Variants in RPH3AL observed in about 807,000 individuals in gnomAD.
The protein encoded by RPH3AL is rab effector Noc2.
Under a neutral mutation model 43.1 loss-of-function variants are expected in RPH3AL, and 38 were observed. The observed-to-expected ratio is 0.88, with a 90% CI of 0.68 to 1.15. The LOEUF (loss-of-function observed/expected upper bound fraction) is 1.15, where lower values mean the gene tolerates loss of function less well. Among genes scored for constraint, RPH3AL ranks in the 50% most tolerant of loss-of-function variants. RPH3AL has a pLI of 0.00. For synonymous variants in RPH3AL, 189 were observed against 176.3 expected (o/e 1.07, Z -0.57); for missense variants, 462 against 423.2 (o/e 1.09, Z -0.81).
intron 7 of RPH3AL, among the ~76,000 whole-genome samples, chr17:242,963 A>C (rs1482282161): frequency 7.5e-6 from 1 of 134,210 alleles, no homozygotes; most frequent in African/African-American, 2.8e-5. Context: ...ACCTTCCTCT[A>C]TTGACTACCT....
rs553857120 is a variant in RPH3AL, at chr17:304,642, C to T, written c.351+14778G>A. On this transcript the variant is annotated intron_variant, in intron 5 of 9. Transcript: ENST00000331302. ...GACGATTCCACCCGGCCAGGGCAGG[C>T]CCGAACCAGCCGGAGGCCACAGGAG... 4.8e-3 allele frequency among the ~76,000 whole-genome samples: 726 copies of T among 152,128 alleles called. 1 individual carries two copies. The highest frequency in any genetic ancestry group is 8.8e-3 in the Non-Finnish European group (601 of 68,004).
At chr17:223,500 A>G (rs777679813) in intron 7 of RPH3AL, among the ~76,000 whole-genome samples, 1 of 152,206 alleles carries the variant, frequency 6.6e-6, no homozygotes, top group Non-Finnish European at 1.5e-5. Flanking sequence ...CTTAGTGAGC[A>G]TCGTCTTCCA....
intron 4 of RPH3AL, 85 bp downstream of exon 4, chr17:321,186 AC>A: frequency 6.7e-7 from 1 of 1,490,050 alleles, no homozygotes; most frequent in Non-Finnish European, 9.0e-7. Flanking sequence ...CAAAACCAGG[AC>A]CCGGAGTGCC....
At chr17:252,267 G>A (rs576685416) in intron 6 of RPH3AL, among the ~76,000 whole-genome samples, 7 of 152,118 alleles carry the variant, frequency 4.6e-5, no homozygotes, top group African/African-American at 1.4e-4. Context: ...GAGCCACCAC[G>A]CCTAGCCTCT....
At chr17:235,016 A>G (rs886454868) in intron 7 of RPH3AL, among the ~76,000 whole-genome samples, 3 of 152,256 alleles carry the variant, frequency 2.0e-5, no homozygotes, top group Non-Finnish European at 4.4e-5. Flanking sequence ...GAAACAGCAT[A>G]TGCGTTTGAC....
intron 6 of RPH3AL, among the ~76,000 whole-genome samples, chr17:265,830 C>T (rs556539540): frequency 1.1e-4 from 16 of 144,034 alleles, no homozygotes; most frequent in Admixed American, 8.5e-4. Flanking sequence ...TGGCACAGAT[C>T]CACAGTGGGC....
At chr17:348,633 A>G (rs769429726) in intron 1 of RPH3AL, among the ~76,000 whole-genome samples, 1 of 152,114 alleles carries the variant, frequency 6.6e-6, no homozygotes, top group Non-Finnish European at 1.5e-5. Context: ...ATGGTCATCA[A>G]TGCGGAAGAA....
At chr17:239,548 C>T (rs943683453) in intron 7 of RPH3AL, among the ~76,000 whole-genome samples, 1 of 152,184 alleles carries the variant, frequency 6.6e-6, no homozygotes, top group Non-Finnish European at 1.5e-5. Context: ...ATCGTTCTTA[C>T]TGATTTCAGT....
chr17:230,099 G>A (rs1007393139), intron 7 of RPH3AL, among the ~76,000 whole-genome samples: 2 of 152,190 alleles, frequency 1.3e-5, no homozygotes, highest in Admixed American at 6.5e-5. Context: ...AAAGGCCCCC[G>A]AGGACAGCCC....
intron 7 of RPH3AL, among the ~76,000 whole-genome samples, chr17:222,038 G>A (rs2041003157): frequency 6.6e-6 from 1 of 151,674 alleles, no homozygotes; most frequent in South Asian, 2.1e-4. Context: ...CAACAGCTCT[G>A]AGGCCTCCAC....
intron 1 of RPH3AL, among the ~76,000 whole-genome samples, chr17:338,327 T>C (rs2045016027): frequency 6.6e-6 from 1 of 151,752 alleles, no homozygotes; most frequent in African/African-American, 2.4e-5. Context: ...CTGGGCATGG[T>C]GGCACATACC....
chr17:272,458 A>T (rs1033977666), intron 6 of RPH3AL, among the ~76,000 whole-genome samples: 4 of 151,716 alleles, frequency 2.6e-5, no homozygotes, highest in Non-Finnish European at 5.9e-5. Context: ...CTTTGTAGGG[A>T]CATGGATGAA....
chr17:336,545 G>A, intron 1 of RPH3AL, among the ~76,000 whole-genome samples: 1 of 152,142 alleles, frequency 6.6e-6, no homozygotes, highest in Non-Finnish European at 1.5e-5. Context: ...CTCTTGCCCA[G>A]ACCGTGGCAA....
At chr17:265,190 G>A (rs570442595) in intron 6 of RPH3AL, among the ~76,000 whole-genome samples, 6 of 152,218 alleles carry the variant, frequency 3.9e-5, no homozygotes, top group Admixed American at 2.6e-4. Context: ...AGGCTCAATC[G>A]ATCCTCCCAC....
At chr17:305,376 T>A (rs1176163971) in intron 5 of RPH3AL, among the ~76,000 whole-genome samples, 1 of 151,644 alleles carries the variant, frequency 6.6e-6, no homozygotes, top group Non-Finnish European at 1.5e-5. Context: ...GAGGGTGGGG[T>A]GGTGCCTGCC....
chr17:352,117 C>T (rs746737976), intron 1 of RPH3AL, among the ~76,000 whole-genome samples: 34 of 152,182 alleles, frequency 2.2e-4, no homozygotes, highest in Non-Finnish European at 4.6e-4. Flanking sequence ...CTGGGTTTTT[C>T]GGCCCCATCT....
At chr17:332,623 A>G (rs1334760043) in intron 2 of RPH3AL, 5 of 193,714 alleles carry the variant, frequency 2.6e-5, no homozygotes, top group Admixed American at 2.1e-4. Context: ...CAGCCCAGAC[A>G]TGCTCAGAGC....
chr17:259,654 G>A (rs1455634072), intron 6 of RPH3AL, among the ~76,000 whole-genome samples: 3 of 152,176 alleles, frequency 2.0e-5, no homozygotes, highest in Non-Finnish European at 2.9e-5. Flanking sequence ...TGATAAGGCC[G>A]GCAAAGCAGC....
At chr17:314,801 T>TG (rs1368827588) in intron 5 of RPH3AL, among the ~76,000 whole-genome samples, 29 of 52,434 alleles carry the variant, frequency 5.5e-4, no homozygotes, top group African/African-American at 2.8e-3. Context: ...GTAGTCCCTG[T>TG]ACTCCACGTC....
Sources: allele counts gnomAD v4.1 joint callset (sites outside exome capture counted in the v4.1 genomes callset), GRCh38; gene constraint gnomAD v4.1.1; transcripts MANE v1.5; gene names NCBI Gene and HGNC (gene_info 2026-07-23, HGNC 2026-07-21).